Variants in DLAT observed in about 807,000 individuals in gnomAD.
The protein encoded by DLAT is dihydrolipoamide S-acetyltransferase, also known as dihydrolipoyllysine-residue acetyltransferase component of pyruvate dehydrogenase complex, mitochondrial.
Under a neutral mutation model 68.0 loss-of-function variants are expected in DLAT, and 43 were observed. The observed-to-expected ratio is 0.63, with a 90% confidence interval of 0.50 to 0.81. The LOEUF (loss-of-function observed/expected upper bound fraction) is 0.81, where lower values mean the gene tolerates loss of function less well. DLAT is among the 40% of genes least tolerant of loss of function. The pLI, the probability that DLAT is intolerant of heterozygous loss-of-function variation, is 0.00. For missense variants in DLAT, 745 were observed against 815.4 expected (o/e 0.91, Z 1.05); for synonymous variants, 265 against 288.6 (o/e 0.92, Z 0.83).
At chr11:112,059,867 C>T (rs1555182995) in intron 11 of DLAT, 36 bp from the exon 12 acceptor site, 1 of 1,502,342 alleles carries the variant, frequency 6.7e-7, no homozygotes, top group African/African-American at 1.4e-5. Context: ...TCTTAATAAA[C>T]AGTTTTTTAT....
At chr11:112,043,425 A>G in intron 7 of DLAT, 41 bp from the exon 8 acceptor site, 2 of 1,576,038 alleles carry the variant, frequency 1.3e-6, no homozygotes, top group Non-Finnish European at 1.7e-6. Context: ...TGGGGAACCA[A>G]TGGTATGTCA....
intron 2 of DLAT, among the ~76,000 whole-genome samples, chr11:112,027,702 A>G (rs1555179498): frequency 6.6e-6 from 1 of 152,180 alleles, no homozygotes; most frequent in Non-Finnish European, 1.5e-5. Flanking sequence ...GCTGGAGACC[A>G]GCCCGGCCAA....
chr11:112,031,602 G>T (rs1159065256), intron 4 of DLAT, among the ~76,000 whole-genome samples: 2 of 151,454 alleles, frequency 1.3e-5, no homozygotes, highest in African/African-American at 2.4e-5. Flanking sequence ...TTGAGATAGG[G>T]TCTCACTCTT....
intron 5 of DLAT, among the ~76,000 whole-genome samples, chr11:112,036,203 T>TGTGTGG (rs1566617824): frequency 9.1e-5 from 2 of 22,048 alleles, no homozygotes; most frequent in African/African-American, 3.2e-4. Context: ...GTGTGTGTGT[T>TGTGTGG]TTTTTTTTTT....
chr11:112,029,621 T>C (rs1331287296), intron 4 of DLAT, among the ~76,000 whole-genome samples: 1 of 151,506 alleles, frequency 6.6e-6, no homozygotes, highest in Admixed American at 6.6e-5. Flanking sequence ...CCAGACCCCA[T>C]CTCTAACATT....
At chr11:112,049,481 T>C (rs2137811813) in intron 10 of DLAT, among the ~76,000 whole-genome samples, 1 of 152,296 alleles carries the variant, frequency 6.6e-6, no homozygotes, top group East Asian at 1.9e-4. Flanking sequence ...TATTTCTAGG[T>C]ATTTTATTCT....
At chr11:112,031,247 A>G (rs1862377088) in intron 4 of DLAT, among the ~76,000 whole-genome samples, 1 of 152,226 alleles carries the variant, frequency 6.6e-6, no homozygotes, top group South Asian at 2.1e-4. Flanking sequence ...GTTGCTAATC[A>G]GATACAGAAG....
At chr11:112,032,957 G>A (rs1219287551) in intron 4 of DLAT, among the ~76,000 whole-genome samples, 3 of 152,228 alleles carry the variant, frequency 2.0e-5, no homozygotes, top group Non-Finnish European at 2.9e-5. Context: ...CCAGCTACTC[G>A]GGAGGCTGAG....
chr11:112,028,774 A>G lies in DLAT; in HGVS notation c.507-18A>G, dbSNP rs1862229239. ...CTGAATCTGCCCATTATATTTATGC[A>G]TTCTTTCTCTTCCTTAGGCCTGAGG... On this transcript the variant is annotated intron_variant, in intron 3 of 13. Coordinates refer to ENST00000280346, the MANE Select transcript of DLAT (RefSeq NM_001931.5). 2.5e-6 allele frequency: 4 copies of G among 1,614,048 alleles called. No individual in the cohort carries two copies. Among genetic ancestry groups the G allele is most frequent in the Non-Finnish European group, 3.4e-6 (4 of 1,180,034 alleles).
chr11:112,058,536 G>T lies in DLAT; in HGVS notation c.1515-1367G>T, dbSNP rs983055943. On this transcript the variant is annotated intron_variant, in intron 11 of 13. Coordinates refer to ENST00000280346, the MANE Select transcript of DLAT (RefSeq NM_001931.5). ...TTCTCGATTGCAGAACACTAGCAGG[G>T]GCCCTTAGGCAGACCCCAAGGAGAC... Among the ~76,000 whole-genome samples the T allele has an allele frequency of 2.1e-4, 29 of 141,092 alleles. 2 individuals are homozygous for T. Among genetic ancestry groups the T allele is most frequent in the Admixed American group, 1.9e-3 (24 of 12,764 alleles). 92.6% of individuals were successfully genotyped at this position (141,092 alleles called of 152,430 possible).
chr11:112,058,986 A>T (rs1022333414), intron 11 of DLAT, among the ~76,000 whole-genome samples: 17 of 152,006 alleles, frequency 1.1e-4, no homozygotes, highest in Admixed American at 7.9e-4. Context: ...TAAGATCCAG[A>T]TGCATAGGGA....
chr11:112,031,098 C>T (rs587634709), intron 4 of DLAT, among the ~76,000 whole-genome samples: 30 of 152,306 alleles, frequency 2.0e-4, no homozygotes, highest in African/African-American at 7.2e-4. Context: ...TTATTGGCTT[C>T]ACTGTTTCTT....
intron 11 of DLAT, among the ~76,000 whole-genome samples, chr11:112,055,480 G>A (rs1863968121): frequency 6.6e-6 from 1 of 152,026 alleles, no homozygotes; most frequent in Non-Finnish European, 1.5e-5. Flanking sequence ...TCCTGACATT[G>A]TGATCTGCCT....
At chr11:112,058,385 T>C (rs1397826965) in intron 11 of DLAT, among the ~76,000 whole-genome samples, 2 of 152,208 alleles carry the variant, frequency 1.3e-5, no homozygotes, top group Non-Finnish European at 2.9e-5. Context: ...AGTGACAAAA[T>C]CCTGCTCTAG....
At position 112,046,801 on chromosome 11, in the gene DLAT, CTT is replaced by C. The variant is rs199646575; in HGVS notation, c.1398+838_1398+839del. 4.3e-3 allele frequency among the ~76,000 whole-genome samples: 650 copies of C among 151,980 alleles called. 2 individuals carry two copies. Among genetic ancestry groups the C allele is most frequent in the African/African-American group, 0.014 (598 of 41,456 alleles). ...TCCCTGCAAAGGACACAAACTCATC[CTT>C]TTTTTTATGGCTGCATAGTATTCCA... On this transcript the variant is annotated intron_variant, in intron 10 of 13. Coordinates refer to ENST00000280346, the MANE Select transcript of DLAT (RefSeq NM_001931.5).
At chr11:112,045,994 T>C (rs782060093) in intron 10 of DLAT, 24 bp downstream of exon 10, 10 of 1,419,834 alleles carry the variant, frequency 7.0e-6, no homozygotes, top group Non-Finnish European at 9.9e-6. Flanking sequence ...AAATTCCAAC[T>C]TTCTAAGTTA....
Position 112,062,655 on chromosome 11 carries a change from G to A in DLAT, c.*120G>A. ...ACCAGTTATTTTTATTATTGAGTCT[G>A]TCCAGATAAGTTATTTATAATGGGC... On this transcript the variant is annotated 3_prime_UTR_variant, in exon 14 of 14. Coordinates refer to ENST00000280346, the MANE Select transcript of DLAT (RefSeq NM_001931.5). 1.7e-6 allele frequency: 2 copies of A among 1,179,700 alleles called. No homozygotes were observed. The highest frequency in any genetic ancestry group is 2.7e-5 in the South Asian group (2 of 74,196). 73.1% of individuals were successfully genotyped at this position (1,179,700 alleles called of 1,614,324 possible).
intron 7 of DLAT, 69 bp downstream of exon 7, chr11:112,039,466 C>A (rs1862942787): frequency 1.3e-6 from 2 of 1,483,034 alleles, no homozygotes; most frequent in Non-Finnish European, 1.9e-6. Context: ...TTAAGACTTG[C>A]AAGTACAACT....
At chr11:112,061,007 T>C (rs782689482) in intron 12 of DLAT, 31 bp from the exon 13 acceptor site, 10 of 1,508,844 alleles carry the variant, frequency 6.6e-6, no homozygotes, top group African/African-American at 1.9e-5. Flanking sequence ...GTTGACAAAC[T>C]ATAATTTATT....
Sources: gnomAD v4.1 joint callset for allele counts (sites outside exome capture counted in the v4.1 genomes callset) on GRCh38, gnomAD v4.1.1 for gene constraint, MANE v1.5 for transcripts, NCBI Gene and HGNC (gene_info 2026-07-23, HGNC 2026-07-21) for gene names.